Variants in ARHGAP12 observed in about 807,000 individuals in gnomAD.
ARHGAP12 encodes the protein Rho GTPase activating protein 12.
ARHGAP12 carries 64 observed loss-of-function variants against 108.6 expected under a neutral mutation model. The ratio of observed to expected loss-of-function variants is 0.59; its 90% CI spans 0.48 to 0.73. The LOEUF is 0.73. ARHGAP12 is among the 30% of genes least tolerant of loss of function. The pLI is 0.00. For synonymous variants in ARHGAP12, 312 were observed against 337.2 expected, an observed-to-expected ratio of 0.93 and a Z score of 0.82; for missense variants, 940 against 1,005.9, an observed-to-expected ratio of 0.93 and a Z score of 0.89.
intron 7 of ARHGAP12, among the ~76,000 whole-genome samples, chr10:31,842,778 A>G (rs1186296973): frequency 1.3e-5 from 2 of 152,104 alleles, no homozygotes; most frequent in African/African-American, 4.8e-5. Context: ...TACATTTCAA[A>G]ATCAATATAC....
intron 3 of ARHGAP12, among the ~76,000 whole-genome samples, chr10:31,862,373 C>T (rs2132310181): frequency 6.6e-6 from 1 of 152,148 alleles, no homozygotes; most frequent in Non-Finnish European, 1.5e-5. Context: ...TGTTTAGCTA[C>T]AGCTTTATTT....
Position 31,829,564 on chromosome 10 carries a change from C to T in ARHGAP12, c.1448+2175G>A, listed in dbSNP as rs572689729. On this transcript the variant is annotated intron_variant, in intron 10 of 19. Coordinates refer to ENST00000344936, the MANE Select transcript of ARHGAP12 (RefSeq NM_018287.7). ...GCATCTGCTACAATGGATTTGACAA[C>T]GTCCCAATACTTTTCTGACAGTACT... is the stretch of plus-strand genomic sequence containing the variant. Among the ~76,000 whole-genome samples the T allele has an allele frequency of 3.9e-5, 6 of 152,262 alleles. No individual in the cohort carries two copies. The East Asian group carries it at 9.7e-4, about 24-fold the overall frequency.
chr10:31,912,935 CAT>C (rs1360067381), intron 1 of ARHGAP12, among the ~76,000 whole-genome samples: 1 of 152,186 alleles, frequency 6.6e-6, no homozygotes, highest in Non-Finnish European at 1.5e-5. Context: ...CCTTGTTAGA[CAT>C]ATAGTTTACA....
chr10:31,904,465 G>T (rs1302029092), intron 3 of ARHGAP12, among the ~76,000 whole-genome samples: 1 of 152,158 alleles, frequency 6.6e-6, no homozygotes, highest in East Asian at 1.9e-4. Flanking sequence ...GAGGGAATTG[G>T]TTATGGCTGT....
chr10:31,831,970 A>C (rs893943599), intron 9 of ARHGAP12, among the ~76,000 whole-genome samples, 170 bp from the exon 10 acceptor site: 1 of 152,160 alleles, frequency 6.6e-6, no homozygotes, highest in African/African-American at 2.4e-5. Flanking sequence ...TAACTTTCCT[A>C]ATACTTTTGT....
At chr10:31,815,442 T>A (rs113898389) in intron 13 of ARHGAP12, among the ~76,000 whole-genome samples, 53 of 152,330 alleles carry the variant, frequency 3.5e-4, no homozygotes, top group African/African-American at 1.3e-3. Flanking sequence ...TGTATGCTTA[T>A]CCCTGCACAG....
intron 9 of ARHGAP12, among the ~76,000 whole-genome samples, chr10:31,836,860 G>GA (rs1238351682): frequency 6.6e-6 from 1 of 152,040 alleles, no homozygotes; most frequent in African/African-American, 2.4e-5. Flanking sequence ...GAGCATTCAG[G>GA]AAAAAAGGAA....
chr10:31,861,461 T>C lies in ARHGAP12; in HGVS notation c.882A>G (p.Lys294=), dbSNP rs773092203. The C allele has an allele frequency of 7.4e-5, 119 of 1,613,730 alleles. No individual in the cohort carries two copies. The highest frequency in any genetic ancestry group is 9.9e-5 in the Non-Finnish European group (117 of 1,179,972). ...YNRGTQERTW[K]PPRWTRDASI... The stretch of plus-strand genomic sequence containing the variant: ...TTGCATCCCGAGTCCAACGAGGAGG[T>C]TTCCAAGTTCTTTCCTGTGTCCCTC... The change falls in exon 4 of 20, where the codon AAA becomes AAG. Residue 294 remains lysine (K), a synonymous_variant. Transcript: ENST00000344936.
intron 6 of ARHGAP12, among the ~76,000 whole-genome samples, chr10:31,845,151 T>C (rs923723241): frequency 2.2e-4 from 34 of 152,216 alleles, no homozygotes; most frequent in African/African-American, 7.5e-4. Flanking sequence ...AATAGTATCT[T>C]CACTGCAATC....
intron 1 of ARHGAP12, among the ~76,000 whole-genome samples, chr10:31,915,353 T>C (rs1008778320): frequency 6.9e-6 from 1 of 144,892 alleles, no homozygotes; most frequent in Non-Finnish European, 1.5e-5. Context: ...GTCATTGCAC[T>C]CCAGCCTGGG....
intron 17 of ARHGAP12, 38 bp from the exon 18 acceptor site, chr10:31,809,166 CT>C (rs1283519895): frequency 1.2e-6 from 2 of 1,613,078 alleles, no homozygotes; most frequent in African/African-American, 2.7e-5. Flanking sequence ...TAAAAAATTA[CT>C]TTAAGCCAGT....
At chr10:31,819,957 A>T (rs1835346275) in intron 12 of ARHGAP12, among the ~76,000 whole-genome samples, 1 of 92,912 alleles carries the variant, frequency 1.1e-5, no homozygotes, top group African/African-American at 3.4e-5. Context: ...GAAAGGTTTA[A>T]AAAAAAAAAA....
chr10:31,839,511 T>C (rs1836168010), intron 8 of ARHGAP12, 126 bp downstream of exon 8: 7 of 1,162,338 alleles, frequency 6.0e-6, no homozygotes, highest in Non-Finnish European at 7.1e-6. Flanking sequence ...TTGATTGTGA[T>C]TTTTTAGAAA....
At chr10:31,825,080 G>C (rs115864693) in intron 11 of ARHGAP12, among the ~76,000 whole-genome samples, 169 of 152,222 alleles carry the variant, frequency 1.1e-3, no homozygotes, top group African/African-American at 3.8e-3. Context: ...CACTGGAATG[G>C]CTGAACAGGG....
At chr10:31,853,101 A>G (rs1478277751) in intron 5 of ARHGAP12, among the ~76,000 whole-genome samples, 1 of 152,220 alleles carries the variant, frequency 6.6e-6, no homozygotes, top group Non-Finnish European at 1.5e-5. Flanking sequence ...TATACTCATT[A>G]TTAAACATGG....
intron 6 of ARHGAP12, among the ~76,000 whole-genome samples, chr10:31,846,343 T>A (rs2132265033): frequency 6.6e-6 from 1 of 152,224 alleles, no homozygotes; most frequent in East Asian, 1.9e-4. Flanking sequence ...TATTGCAAGT[T>A]TTCTTATCAC....
chr10:31,839,749 T>G (rs772338586), intron 7 of ARHGAP12, 38 bp from the exon 8 acceptor site: 1 of 1,488,012 alleles, frequency 6.7e-7, no homozygotes, highest in South Asian at 1.2e-5. Context: ...TACTCTATTT[T>G]ATATAATTAT....
intron 14 of ARHGAP12, 24 bp from the exon 15 acceptor site, chr10:31,812,847 G>C (rs866998106): frequency 8.0e-6 from 11 of 1,369,930 alleles, no homozygotes; most frequent in Non-Finnish European, 1.1e-5. Context: ...GACAGGTAAT[G>C]AGCATTTGTA....
intron 7 of ARHGAP12, among the ~76,000 whole-genome samples, chr10:31,840,785 C>T (rs1207439100): frequency 6.6e-6 from 1 of 152,028 alleles, no homozygotes; most frequent in African/African-American, 2.4e-5. Context: ...AATACAGAAA[C>T]TAGTAGCAGT....
Sources: allele counts gnomAD v4.1 joint callset (sites outside exome capture counted in the v4.1 genomes callset), GRCh38; gene constraint gnomAD v4.1.1; transcripts MANE v1.5; gene names NCBI Gene and HGNC (gene_info 2026-07-23, HGNC 2026-07-21).